Variants in PRUNE2 observed in about 807,000 individuals in gnomAD.
PRUNE2 encodes prune homolog 2 with BCH domain, also known as protein prune homolog 2.
A neutral mutation model predicts 252.0 loss-of-function variants in PRUNE2; 164 were observed. The observed-to-expected ratio is 0.65, with a 90% CI of 0.57 to 0.74. The LOEUF (loss-of-function observed/expected upper bound fraction) is 0.74. PRUNE2 is among the 30% of genes least tolerant of loss of function. The pLI, the probability that PRUNE2 is intolerant of heterozygous loss-of-function variation, is 0.00. For missense variants in PRUNE2, 3,495 were observed against 3,711.0 expected (o/e 0.94, Z 1.51); for synonymous variants, 1,292 against 1,350.2 (o/e 0.96, Z 0.94).
chr9:76,896,627 C>T (rs2062839712), intron 1 of PRUNE2, among the ~76,000 whole-genome samples: 1 of 152,190 alleles, frequency 6.6e-6, no homozygotes, highest in South Asian at 2.1e-4. Flanking sequence ...CTTCCCCTTT[C>T]CTTCACTTCT....
intron 6 of PRUNE2, among the ~76,000 whole-genome samples, chr9:76,765,921 G>A (rs946702181): frequency 5.9e-5 from 9 of 152,064 alleles, no homozygotes; most frequent in African/African-American, 1.4e-4. Flanking sequence ...GGTGGCTCAC[G>A]CCTATAATCC....
In PRUNE2 at chr9:76,636,557, C is replaced by T. The variant is rs754158126; in HGVS notation, c.8964G>A (p.Arg2988=). The T allele has an allele frequency of 6.5e-7, 1 of 1,532,728 alleles. No homozygotes were observed. The highest frequency in any genetic ancestry group is 2.0e-5 in the Admixed American group (1 of 50,900). The allele number at this position is 1,532,728 out of a possible 1,614,324, so 94.9% of individuals were successfully genotyped here. A position where few individuals can be genotyped will look rare whatever the true frequency, so the allele number is the denominator to read the frequency against. The change falls in exon 15 of 19, where the codon CGG becomes CGA. Residue 2988 remains arginine (R), a splice_region_variant and synonymous_variant. Coordinates refer to ENST00000376718, the MANE Select transcript of PRUNE2 (RefSeq NM_015225.3). The part of the protein sequence containing the change: ...MKKCYQMIDR[R]LRKNLKSFII... Reference sequence around the variant, plus strand: ...TGAATGATTTCAAATTCTTCCTCAACCTATTTTGAAAAAAGAAAAAAAATA... The same window carrying T: ...TGAATGATTTCAAATTCTTCCTCAATCTATTTTGAAAAAAGAAAAAAAATA...
chr9:76,815,815 T>C (rs1456315875), intron 6 of PRUNE2, among the ~76,000 whole-genome samples: 5 of 152,084 alleles, frequency 3.3e-5, no homozygotes, highest in African/African-American at 4.8e-5. Context: ...CAGAGAAAAG[T>C]TGTCAACAGA....
At chr9:76,702,607 T>C (rs1035168934) in intron 9 of PRUNE2, among the ~76,000 whole-genome samples, 1 of 30,230 alleles carries the variant, frequency 3.3e-5, no homozygotes, top group African/African-American at 9.4e-5. Flanking sequence ...AAAAACCACA[T>C]GGTGAATGAA....
chr9:76,857,262 G>A, intron 1 of PRUNE2: 3 of 400,336 alleles, frequency 7.5e-6, no homozygotes, highest in Non-Finnish European at 1.5e-5. Context: ...AGGCTCTCAA[G>A]GACCCACTGC....
intron 4 of PRUNE2, among the ~76,000 whole-genome samples, chr9:76,843,741 TTTTTGAGA>T (rs1262067946): frequency 6.8e-6 from 1 of 146,982 alleles, no homozygotes; most frequent in Non-Finnish European, 1.5e-5. Flanking sequence ...TTTTTTTTTT[TTTTTGAGA>T]TGGAGTTTCA....
intron 9 of PRUNE2, among the ~76,000 whole-genome samples, chr9:76,680,098 C>A (rs1285463347): frequency 6.6e-6 from 1 of 152,036 alleles, no homozygotes; most frequent in African/African-American, 2.4e-5. Context: ...ATTTGCAAGT[C>A]ATATATCTGA....
intron 1 of PRUNE2, among the ~76,000 whole-genome samples, chr9:76,886,460 C>T (rs1377238334): frequency 6.6e-6 from 1 of 152,126 alleles, no homozygotes; most frequent in Non-Finnish European, 1.5e-5. Flanking sequence ...CTAGTAAACA[C>T]CCCACACAGC....
At position 76,710,655 on chromosome 9, in the gene PRUNE2, T is replaced by G. The variant is rs115994981; in HGVS notation, c.1619A>C (p.Asp540Ala). The G allele has an allele frequency of 3.5e-3, 5,590 of 1,612,298 alleles. 166 individuals are homozygous for G. In the African/African-American group the frequency reaches 0.065, roughly 19 times the overall value. ...GQLPAGPEGLDGMGTNMSNYS... is the reference protein window; with the variant it reads ...GQLPAGPEGLAGMGTNMSNYS... Reference sequence around the variant, plus strand: ...ATTAGACATGTTGGTTCCCATGCCATCAAGTCCTTCAGGCCCAGCGGGGAG... The same window carrying G: ...ATTAGACATGTTGGTTCCCATGCCAGCAAGTCCTTCAGGCCCAGCGGGGAG... Residue 540 changes from aspartate to alanine, a missense_variant, in exon 8 of 19, where the codon GAT (aspartate) becomes GCT (alanine). Transcript: ENST00000376718.
intron 9 of PRUNE2, among the ~76,000 whole-genome samples, chr9:76,667,209 A>G (rs1057127973): frequency 6.6e-6 from 1 of 152,224 alleles, no homozygotes; most frequent in Non-Finnish European, 1.5e-5. Context: ...TGTGGCACAT[A>G]TTGTGCTCTC....
chr9:76,861,432 G>C (rs1038998546), intron 1 of PRUNE2, among the ~76,000 whole-genome samples: 11 of 152,212 alleles, frequency 7.2e-5, no homozygotes, highest in Non-Finnish European at 1.6e-4. Flanking sequence ...ACAGGCATCA[G>C]TGTGAACAAA....
At chr9:76,733,148 C>T (rs538626476) in intron 6 of PRUNE2, among the ~76,000 whole-genome samples, 11 of 152,222 alleles carry the variant, frequency 7.2e-5, no homozygotes, top group African/African-American at 2.4e-4. Flanking sequence ...CTTGCTCCTG[C>T]ATCACAGTAC....
chr9:76,742,977 T>C lies in PRUNE2; in HGVS notation c.757-29256A>G, dbSNP rs559582989. ...CCCACATGTCGTGGGAGGGACCCAG[T>C]GGCAGTTTAATTGAATCACGAGGTC... On this transcript the variant is annotated intron_variant, in intron 6 of 18. Transcript: ENST00000376718. Among the ~76,000 whole-genome samples, 4 of 152,212 alleles carry C rather than the reference T, an allele frequency of 2.6e-5. No homozygotes were observed. The East Asian group carries it at 7.7e-4, about 29-fold the overall frequency.
At chr9:76,783,153 T>C (rs557994309) in intron 6 of PRUNE2, among the ~76,000 whole-genome samples, 2 of 152,324 alleles carry the variant, frequency 1.3e-5, no homozygotes, top group South Asian at 4.1e-4. Context: ...GTTTGTTTTT[T>C]GGAAACAGAG....
At chr9:76,719,782 G>A (rs1252053377) in intron 6 of PRUNE2, among the ~76,000 whole-genome samples, 1 of 151,882 alleles carries the variant, frequency 6.6e-6, no homozygotes. Flanking sequence ...TAGTAGCCGG[G>A]AATACAGGCG....
chr9:76,635,263 C>T (rs7027074), intron 15 of PRUNE2, among the ~76,000 whole-genome samples: 7,691 of 152,166 alleles, frequency 0.051, 454 homozygotes, highest in East Asian at 0.16. Context: ...TGAGCCACCC[C>T]GCTTGGCTGC....
chr9:76,655,622 TG>T, intron 9 of PRUNE2, 120 bp from the exon 10 acceptor site: 2 of 740,790 alleles, frequency 2.7e-6, no homozygotes, highest in Non-Finnish European at 4.8e-6. Context: ...AAACCATGTA[TG>T]GGGACTGAAT....
intron 9 of PRUNE2, among the ~76,000 whole-genome samples, chr9:76,676,182 C>G (rs1416718214): frequency 6.6e-6 from 1 of 151,256 alleles, no homozygotes; most frequent in Non-Finnish European, 1.5e-5. Context: ...GCTTGTTTAA[C>G]CTGCGGCTGC....
chr9:76,621,222 A>G (rs556093308), intron 17 of PRUNE2, among the ~76,000 whole-genome samples: 47 of 152,188 alleles, frequency 3.1e-4, no homozygotes, highest in Admixed American at 3.1e-3. Flanking sequence ...AGTCAGGCGC[A>G]TCTGTCAACA....
Sources: gnomAD v4.1 joint callset for allele counts (sites outside exome capture counted in the v4.1 genomes callset) on GRCh38, gnomAD v4.1.1 for gene constraint, MANE v1.5 for transcripts, NCBI Gene and HGNC (gene_info 2026-07-23, HGNC 2026-07-21) for gene names.